Variants in MOV10L1 observed in about 807,000 individuals in gnomAD.
MOV10L1 encodes RNA helicase Mov10l1.
MOV10L1 carries 110 observed loss-of-function variants against 143.8 expected under a neutral mutation model. The ratio of observed to expected loss-of-function variants is 0.76; its 90% CI spans 0.66 to 0.90. The LOEUF (loss-of-function observed/expected upper bound fraction) is 0.90. Among genes scored for constraint, MOV10L1 ranks in the 40% least tolerant of loss-of-function variants. The probability of loss-of-function intolerance (pLI) is 0.00; values close to 1 mark genes in which losing one functional copy is unlikely to be tolerated. For synonymous variants in MOV10L1, 593 were observed against 581.1 expected, an observed-to-expected ratio of 1.02 and a Z score of -0.29; for missense variants, 1,406 against 1,526.8, an observed-to-expected ratio of 0.92 and a Z score of 1.32.
intron 13 of MOV10L1, among the ~76,000 whole-genome samples, chr22:50,130,122 A>C (rs1373057354): frequency 6.6e-6 from 1 of 152,166 alleles, no homozygotes; most frequent in Non-Finnish European, 1.5e-5. Context: ...CTAAAAATAC[A>C]AAACTTAGTG....
chr22:50,149,408 C>G, intron 19 of MOV10L1: 1 of 578,090 alleles, frequency 1.7e-6, no homozygotes, highest in Non-Finnish European at 3.1e-6. Flanking sequence ...GTGCAAAGCA[C>G]TGGGTGCTGA....
At chr22:50,148,880 G>A (rs1320633036) in intron 19 of MOV10L1, among the ~76,000 whole-genome samples, 1 of 152,052 alleles carries the variant, frequency 6.6e-6, no homozygotes, top group Non-Finnish European at 1.5e-5. Context: ...TAGCCAGGAT[G>A]GTCTTGATCT....
At chr22:50,154,501 G>A (rs2063377472) in intron 22 of MOV10L1, among the ~76,000 whole-genome samples, 1 of 152,084 alleles carries the variant, frequency 6.6e-6, no homozygotes, top group Non-Finnish European at 1.5e-5. Flanking sequence ...CCAGGAGATT[G>A]AGGCTGCAGT....
At chr22:50,151,693 C>T (rs2063301136) in intron 21 of MOV10L1, among the ~76,000 whole-genome samples, 1 of 152,266 alleles carries the variant, frequency 6.6e-6, no homozygotes, top group African/African-American at 2.4e-5. Flanking sequence ...TTCGCCTCAT[C>T]CTCCAGTGCC....
At chr22:50,098,020 A>G (rs1417999449) in intron 2 of MOV10L1, among the ~76,000 whole-genome samples, 2 of 151,916 alleles carry the variant, frequency 1.3e-5, no homozygotes, top group African/African-American at 4.8e-5. Context: ...TATTTTTAGT[A>G]GAGATGGGGT....
At chr22:50,124,484 G>A (rs1311791548) in intron 10 of MOV10L1, among the ~76,000 whole-genome samples, 1 of 152,096 alleles carries the variant, frequency 6.6e-6, no homozygotes, top group Admixed American at 6.5e-5. Flanking sequence ...TCCTGTTCTT[G>A]TGCTTGGGGT....
intron 24 of MOV10L1, among the ~76,000 whole-genome samples, chr22:50,160,481 C>G (rs1336163642): frequency 6.6e-6 from 1 of 151,960 alleles, no homozygotes; most frequent in Non-Finnish European, 1.5e-5. Context: ...TCTCGATCTC[C>G]TGACCTCGTG....
chr22:50,145,552 G>T, intron 18 of MOV10L1, 137 bp from the exon 19 acceptor site: 1 of 1,071,672 alleles, frequency 9.3e-7, no homozygotes, highest in Non-Finnish European at 1.4e-6. Flanking sequence ...TGATAAGGAA[G>T]TATGAGATAT....
chr22:50,128,812 G>A (rs2062589646), intron 13 of MOV10L1, among the ~76,000 whole-genome samples: 1 of 151,294 alleles, frequency 6.6e-6, no homozygotes, highest in Non-Finnish European at 1.5e-5. Context: ...CAAAGTGCTG[G>A]GATTACAGGC....
At chr22:50,146,529 C>T (rs563223934) in intron 19 of MOV10L1, among the ~76,000 whole-genome samples, 97 of 152,234 alleles carry the variant, frequency 6.4e-4, no homozygotes, top group African/African-American at 2.3e-3. Flanking sequence ...CAGACAGTGT[C>T]GGGGGCACAG....
intron 3 of MOV10L1, among the ~76,000 whole-genome samples, chr22:50,105,106 G>C (rs1199206540): frequency 6.6e-6 from 1 of 152,134 alleles, no homozygotes; most frequent in Non-Finnish European, 1.5e-5. Flanking sequence ...TGCCCAGGCT[G>C]TTCTTGAGCC....
rs1173986103 is a variant in MOV10L1, at chr22:50,153,070, G to A, written c.2918G>A (p.Arg973Gln). 21 of 1,609,440 alleles carry A rather than the reference G, an allele frequency of 1.3e-5. No homozygotes were observed. Among genetic ancestry groups the A allele is most frequent in the South Asian group, 4.4e-5 (4 of 90,900 alleles). Residue 973 changes from arginine (R) to glutamine (Q), a missense_variant, in exon 22 of 27, where the codon CGG becomes CAG. Coordinates refer to ENST00000262794, the MANE Select transcript of MOV10L1 (RefSeq NM_018995.3). ...GTCACAAAGCTGGTGAAGAACTACC[G>A]GTCCCACGAGGCCCTGCTGATGCTG... ...LLVTKLVKNYRSHEALLMLPS... is the reference protein window; with the variant it reads ...LLVTKLVKNYQSHEALLMLPS...
At chr22:50,100,314 C>T (rs1470155862) in intron 3 of MOV10L1, among the ~76,000 whole-genome samples, 1 of 151,852 alleles carries the variant, frequency 6.6e-6, no homozygotes, top group African/African-American at 2.4e-5. Context: ...TAAACTTGTG[C>T]TTTTATGTGT....
chr22:50,160,302 A>G (rs999078830), intron 24 of MOV10L1, among the ~76,000 whole-genome samples: 5 of 142,622 alleles, frequency 3.5e-5, no homozygotes, highest in African/African-American at 1.3e-4. Flanking sequence ...GCTGGAGTGC[A>G]GTGGCGCGAT....
Position 50,161,647 on chromosome 22 carries a change from C to T in MOV10L1, c.*198C>T, listed in dbSNP as rs530380808. ...CAGCCTGTTCCTGCCACAGGGCAGTCACTGCCGCCTACCCTGAAATAAACC... is the reference window on the plus strand; with the variant it reads ...CAGCCTGTTCCTGCCACAGGGCAGTTACTGCCGCCTACCCTGAAATAAACC... On this transcript the variant is annotated 3_prime_UTR_variant, in exon 27 of 27. Transcript: ENST00000262794. 6.0e-5 allele frequency: 33 copies of T among 545,504 alleles called. No homozygotes were observed. The African/African-American group carries it at 6.1e-4, about 10-fold the overall frequency. 33.8% of individuals were successfully genotyped at this position (545,504 alleles called of 1,614,324 possible).
At chr22:50,123,187 C>T (rs1437283409) in intron 10 of MOV10L1, among the ~76,000 whole-genome samples, 1 of 123,410 alleles carries the variant, frequency 8.1e-6, no homozygotes, top group Non-Finnish European at 1.7e-5. Context: ...CAGAGGGAAA[C>T]TCATGTCTCA....
chr22:50,131,068 T>A (rs868770114), intron 13 of MOV10L1, among the ~76,000 whole-genome samples: 7 of 149,762 alleles, frequency 4.7e-5, no homozygotes, highest in Non-Finnish European at 7.4e-5. Context: ...GGCTAATTTT[T>A]TTTTTTTTTT....
In MOV10L1 at chr22:50,152,486, C is replaced by T. The variant is rs2045668566; in HGVS notation, c.2893-559C>T. On this transcript the variant is annotated intron_variant, in intron 21 of 26. Coordinates refer to ENST00000262794, the MANE Select transcript of MOV10L1 (RefSeq NM_018995.3). The surrounding 1 kb of genome is among the most constrained non-coding windows in gnomAD (Gnocchi z 4.4). ...GCTTCCCGAGCAAGTTGGAGGCAGA[C>T]AGTAAAGGTGTCCCATGTACTGGTG... 6.6e-6 allele frequency among the ~76,000 whole-genome samples: 1 copy of T among 152,164 alleles called. No homozygotes were observed. The highest frequency in any genetic ancestry group is 2.1e-4 in the South Asian group (1 of 4,832).
chr22:50,124,610 T>G (rs1419961283), intron 10 of MOV10L1, among the ~76,000 whole-genome samples: 2 of 152,222 alleles, frequency 1.3e-5, no homozygotes, highest in Non-Finnish European at 2.9e-5. Context: ...GGCAGGCTGC[T>G]GTGAGTTTTC....
Sources: gnomAD v4.1 joint callset for allele counts (sites outside exome capture counted in the v4.1 genomes callset) on GRCh38, gnomAD v4.1.1 for gene constraint, Gnocchi (gnomAD v3.1) non-coding constraint, MANE v1.5 for transcripts, NCBI Gene and HGNC (gene_info 2026-07-23, HGNC 2026-07-21) for gene names.